Variants in ZKSCAN1 observed in about 807,000 individuals in gnomAD.
ZKSCAN1 encodes the protein zinc finger with KRAB and SCAN domains 1.
Under a neutral mutation model 51.6 loss-of-function variants are expected in ZKSCAN1, and 14 were observed. The observed-to-expected ratio is 0.27, with a 90% CI of 0.18 to 0.42. The LOEUF is 0.42. ZKSCAN1 is among the 10% of genes least tolerant of loss of function. ZKSCAN1 has a pLI of 1.00. For missense variants in ZKSCAN1, 531 were observed against 710.0 expected, an observed-to-expected ratio of 0.75 and a Z score of 2.86; for synonymous variants, 263 against 261.5, an observed-to-expected ratio of 1.01 and a Z score of -0.06.
chr7:100,039,241 G>A lies in ZKSCAN1; in HGVS notation c.*5044G>A, dbSNP rs996769396. 1.2e-6 allele frequency: 1 copy of A among 848,586 alleles called. No individual in the cohort carries two copies. Among genetic ancestry groups the A allele is most frequent in the Non-Finnish European group, 1.4e-6 (1 of 705,664 alleles). 52.6% of individuals were successfully genotyped at this position (848,586 alleles called of 1,614,324 possible). A position where few individuals can be genotyped will look rare whatever the true frequency, so the allele number is the denominator to read the frequency against. On this transcript the variant is annotated 3_prime_UTR_variant, in exon 6 of 6. Coordinates refer to ENST00000324306, the MANE Select transcript of ZKSCAN1 (RefSeq NM_003439.4). ...GCAGGAGAATCACCTAAATCTGGGA[G>A]GCAGAGGTTGCAGTGAGCCGAGATT...
intron 1 of ZKSCAN1, among the ~76,000 whole-genome samples, chr7:100,022,449 A>G (rs763156885): frequency 3.5e-4 from 54 of 152,388 alleles, no homozygotes; most frequent in Non-Finnish European, 6.3e-4. Flanking sequence ...GTGACAGGTC[A>G]GCACAGACTA....
Position 100,037,198 on chromosome 7 carries a change from C to G in ZKSCAN1, c.*3001C>G, listed in dbSNP as rs548804065. 4.1e-6 allele frequency: 4 copies of G among 985,414 alleles called. No individual in the cohort carries two copies. The African/African-American group carries it at 7.0e-5, about 17-fold the overall frequency. The allele number at this position is 985,414 out of a possible 1,614,324, so 61.0% of individuals were successfully genotyped here. ...AGATAGTCATTCAAAAGTTCTTGGC[C>G]CGCTGAAGTCTGTTAACAGTTGAAA... is the stretch of plus-strand genomic sequence containing the variant. On this transcript the variant is annotated 3_prime_UTR_variant, in exon 6 of 6. Transcript: ENST00000324306.
chr7:100,031,297 T>G (rs1332173747), intron 5 of ZKSCAN1, among the ~76,000 whole-genome samples: 1 of 91,566 alleles, frequency 1.1e-5, no homozygotes, highest in Non-Finnish European at 2.3e-5. Flanking sequence ...TTTTTTTTTT[T>G]GAGACAGGGT....
chr7:100,017,851 C>T (rs1433521147), intron 1 of ZKSCAN1, among the ~76,000 whole-genome samples: 1 of 152,146 alleles, frequency 6.6e-6, no homozygotes, highest in African/African-American at 2.4e-5. Flanking sequence ...GACTAGAATT[C>T]AGTTATTGCC....
At chr7:100,029,715 C>T (rs938990144) in intron 3 of ZKSCAN1, 146 bp from the exon 4 acceptor site, 9 of 690,858 alleles carry the variant, frequency 1.3e-5, no homozygotes, top group Admixed American at 9.0e-5. Context: ...TGTGTTCTCT[C>T]GTTTGTGTTG....
Position 100,038,707 on chromosome 7 carries a change from A to C in ZKSCAN1, c.*4510A>C. On this transcript the variant is annotated 3_prime_UTR_variant, in exon 6 of 6. Transcript: ENST00000324306. ...TTAAATCCTTATGCTTAGAAAATTGAGGATAAGGCTGGGCACAGTGGCTCA... is the reference window on the plus strand; with the variant it reads ...TTAAATCCTTATGCTTAGAAAATTGCGGATAAGGCTGGGCACAGTGGCTCA... 1.0e-6 allele frequency: 1 copy of C among 985,460 alleles called. No individual in the cohort carries two copies. Among genetic ancestry groups the C allele is most frequent in the Non-Finnish European group, 1.2e-6 (1 of 829,956 alleles). 61.0% of individuals were successfully genotyped at this position (985,460 alleles called of 1,614,324 possible). A position where few individuals can be genotyped will look rare whatever the true frequency, so the allele number is the denominator to read the frequency against.
rs567902025 is a variant in ZKSCAN1, at chr7:100,035,925, G to A, written c.*1728G>A. 59 of 985,356 alleles carry A rather than the reference G, an allele frequency of 6.0e-5. No individual in the cohort carries two copies. The highest frequency in any genetic ancestry group is 1.0e-3 in the Middle Eastern group (2 of 1,914). The allele number at this position is 985,356 out of a possible 1,614,324, so 61.0% of individuals were successfully genotyped here. A position where few individuals can be genotyped will look rare whatever the true frequency, so the allele number is the denominator to read the frequency against. ...CTACCCAAGGCTAGGACCGCCCTGC[G>A]GAAACAGAAACATAGACTGAGAACA... On this transcript the variant is annotated 3_prime_UTR_variant, in exon 6 of 6. Transcript: ENST00000324306.
rs376041418 is a variant in ZKSCAN1 at position 100,023,887 on chromosome 7, C to T, written c.381C>T (p.Ala127=). 4.2e-5 allele frequency: 67 copies of T among 1,608,364 alleles called. No homozygotes were observed. Among genetic ancestry groups the T allele is most frequent in the Non-Finnish European group, 5.2e-5 (61 of 1,178,784 alleles). ...QEYRPDSGEE[A]VTLLEDLELD... The stretch of plus-strand genomic sequence containing the variant: ...ACCGCCCCGATAGTGGAGAGGAGGC[C>T]GTGACCCTTCTAGAAGACTTGGAGC... The change falls in exon 2 of 6, where the codon GCC becomes GCT. Residue 127 remains alanine, a synonymous_variant. Coordinates refer to ENST00000324306, the MANE Select transcript of ZKSCAN1 (RefSeq NM_003439.4).
Position 100,039,983 on chromosome 7 carries a change from AG to A in ZKSCAN1, c.*5789del. ...TGAAAAGTTTTTCTAACATAGATTT[AG>A]GGTTTTTTTTTTTAGAGTGGACACA... On this transcript the variant is annotated 3_prime_UTR_variant, in exon 6 of 6. Coordinates refer to ENST00000324306, the MANE Select transcript of ZKSCAN1 (RefSeq NM_003439.4). 1.1e-6 allele frequency: 1 copy of A among 942,812 alleles called. No individual in the cohort carries two copies. Among genetic ancestry groups the A allele is most frequent in the Non-Finnish European group, 1.3e-6 (1 of 791,312 alleles). 58.4% of individuals were successfully genotyped at this position (942,812 alleles called of 1,614,324 possible).
chr7:100,040,725 C>T lies in ZKSCAN1; in HGVS notation c.*6528C>T, dbSNP rs1381171237. ...GTAATTAGGAGGCCTGAGGAGGGGC[C>T]GAGGAAAGGCTGTTGGGGTGTGCTG... On this transcript the variant is annotated 3_prime_UTR_variant, in exon 6 of 6. Coordinates refer to ENST00000324306, the MANE Select transcript of ZKSCAN1 (RefSeq NM_003439.4). The T allele has an allele frequency of 3.0e-6, 3 of 985,270 alleles. No homozygotes were observed. The highest frequency in any genetic ancestry group is 6.2e-5 in the Admixed American group (1 of 16,238). 61.0% of individuals were successfully genotyped at this position (985,270 alleles called of 1,614,324 possible).
downstream of ZKSCAN1, among the ~76,000 whole-genome samples, chr7:100,042,797 G>GTTT (rs1200823549): frequency 3.2e-5 from 4 of 125,178 alleles, no homozygotes; most frequent in Non-Finnish European, 6.8e-5. Context: ...TAATTTTTGG[G>GTTT]TTTTTTTTTT....
chr7:100,039,650 C>T lies in ZKSCAN1; in HGVS notation c.*5453C>T, dbSNP rs1183221797. 1.0e-6 allele frequency: 1 copy of T among 985,282 alleles called. No individual in the cohort carries two copies. Among genetic ancestry groups the T allele is most frequent in the African/African-American group, 1.7e-5 (1 of 57,208 alleles). 61.0% of individuals were successfully genotyped at this position (985,282 alleles called of 1,614,324 possible). On this transcript the variant is annotated 3_prime_UTR_variant, in exon 6 of 6. Coordinates refer to ENST00000324306, the MANE Select transcript of ZKSCAN1 (RefSeq NM_003439.4). ...CCAAAGCCAGCTAACCAGGTTCATC[C>T]TACCATCCTCATGGAAGACTGTGTG...
intron 1 of ZKSCAN1, among the ~76,000 whole-genome samples, chr7:100,021,527 G>A (rs1295418135): frequency 6.6e-6 from 1 of 152,090 alleles, no homozygotes; most frequent in African/African-American, 2.4e-5. Context: ...TCATACAGCT[G>A]TTCCTGTAAT....
chr7:100,039,311 AAAAGAAAAAAAAAAAAGAAAG>A lies in ZKSCAN1; in HGVS notation c.*5122_*5142del, dbSNP rs1372692948. On this transcript the variant is annotated 3_prime_UTR_variant, in exon 6 of 6. Coordinates refer to ENST00000324306, the MANE Select transcript of ZKSCAN1 (RefSeq NM_003439.4). ...TGGGTAACAGAGACTCTGTCTCAAA[AAAAGAAAAAAAAAAAAGAAAG>A]AAAGAAAGAAAATTGGGGATAGGAG... is the stretch of plus-strand genomic sequence containing the variant. 2.3e-6 allele frequency: 2 copies of A among 864,960 alleles called. No individual in the cohort carries two copies. The highest frequency in any genetic ancestry group is 2.6e-6 in the Non-Finnish European group (2 of 779,700). The allele number at this position is 864,960 out of a possible 1,614,324, so 53.6% of individuals were successfully genotyped here.
downstream of ZKSCAN1, among the ~76,000 whole-genome samples, chr7:100,044,365 A>G (rs190410982): frequency 6.6e-6 from 1 of 152,102 alleles, no homozygotes; most frequent in African/African-American, 2.4e-5. Flanking sequence ...CTTCCTTACC[A>G]TGCTTTAACA....
At chr7:100,030,221 A>G in intron 4 of ZKSCAN1, 28 bp from the exon 5 acceptor site, 1 of 1,608,162 alleles carries the variant, frequency 6.2e-7, no homozygotes, top group Non-Finnish European at 8.5e-7. Context: ...TTTGGGGGGA[A>G]ATGACTGTTT....
At chr7:100,018,386 A>G (rs1790461418) in intron 1 of ZKSCAN1, among the ~76,000 whole-genome samples, 1 of 152,038 alleles carries the variant, frequency 6.6e-6, no homozygotes, top group African/African-American at 2.4e-5. Flanking sequence ...AAAATTACAG[A>G]GAAAGAAACA....
chr7:100,032,443 T>C (rs1318546680), intron 5 of ZKSCAN1, among the ~76,000 whole-genome samples: 1 of 152,182 alleles, frequency 6.6e-6, no homozygotes, highest in Admixed American at 6.5e-5. Context: ...CATTTCCCCT[T>C]ACTCTCCACT....
rs1790766538 is a variant in ZKSCAN1, at chr7:100,025,067, G to T, written c.580+760G>T. 2.0e-5 allele frequency: 3 copies of T among 151,756 alleles called. No individual in the cohort carries two copies. The South Asian group carries it at 6.2e-4, about 31-fold the overall frequency. The allele number at this position is 151,756 out of a possible 1,614,324, so 9.4% of individuals were successfully genotyped here. ...TCAGGAGTTAAATGTTACTACGAAGGCAAATGAACTATGCGTAATGAACCT... is the reference window on the plus strand; with the variant it reads ...TCAGGAGTTAAATGTTACTACGAAGTCAAATGAACTATGCGTAATGAACCT... On this transcript the variant is annotated intron_variant, in intron 3 of 5. Transcript: ENST00000324306.
Sources: allele counts gnomAD v4.1 joint callset (sites outside exome capture counted in the v4.1 genomes callset), GRCh38; gene constraint gnomAD v4.1.1; transcripts MANE v1.5; gene names NCBI Gene and HGNC (gene_info 2026-07-23, HGNC 2026-07-21).